Variants in CYP4Z1 observed in about 807,000 individuals in gnomAD.
The protein encoded by CYP4Z1 is cytochrome P450 family 4 subfamily Z member 1, also known as cytochrome P450 4Z1.
In CYP4Z1, 41 loss-of-function variants were observed where a neutral mutation model predicts 54.2. The ratio of observed to expected loss-of-function variants is 0.76; its 90% CI spans 0.59 to 0.98. The LOEUF (loss-of-function observed/expected upper bound fraction) is 0.98, where lower values mean the gene tolerates loss of function less well. CYP4Z1 is among the 50% of genes least tolerant of loss of function. The pLI is 0.00. For synonymous variants in CYP4Z1, 163 were observed against 206.2 expected (o/e 0.79, Z 1.79); for missense variants, 513 against 599.0 (o/e 0.86, Z 1.50).
At chr1:47,055,856 T>A in the CYP4Z1 span, among the ~76,000 whole-genome samples, 1 of 152,116 alleles carries the variant, frequency 6.6e-6, no homozygotes, top group South Asian at 2.1e-4. Flanking sequence ...TTTGTTGATC[T>A]TTTCAGAAAG....
In CYP4Z1 at chr1:47,118,019, G is replaced by A. The variant is rs1456448599; in HGVS notation, c.*85G>A. 3.9e-6 allele frequency: 5 copies of A among 1,290,382 alleles called. No individual in the cohort carries two copies. In the East Asian group the frequency reaches 1.3e-4, roughly 33 times the overall value. The allele number at this position is 1,290,382 out of a possible 1,614,324, so 79.9% of individuals were successfully genotyped here. A position where few individuals can be genotyped will look rare whatever the true frequency, so the allele number is the denominator to read the frequency against. The stretch of plus-strand genomic sequence containing the variant: ...AGGATAAATATAATACAAAATATAT[G>A]TATATGGTTGTTTGACAAATTATAT... On this transcript the variant is annotated 3_prime_UTR_variant, in exon 12 of 12. Transcript: ENST00000334194.
intron 1 of CYP4Z1, 26 bp downstream of exon 1, chr1:47,067,693 G>T (rs1289886981): frequency 3.8e-6 from 6 of 1,565,828 alleles, no homozygotes; most frequent in Non-Finnish European, 5.2e-6. Context: ...TAGTTGGGGA[G>T]GTTAAGGGAC....
chr1:47,082,355 A>G lies in CYP4Z1; in HGVS notation c.386A>G (p.Asp129Gly). 1.2e-5 allele frequency: 20 copies of G among 1,610,288 alleles called. No homozygotes were observed. The highest frequency in any genetic ancestry group is 1.6e-5 in the Non-Finnish European group (19 of 1,178,544). Reference protein sequence around the residue: ...SWVGRGLVTLDGSKWKKHRQI... With the variant: ...SWVGRGLVTLGGSKWKKHRQI... ...TAAGGTCGAGGACTTGTGACCCTGG[A>G]TGGTTCTAAATGGAAAAAGCACCGC... Residue 129 changes from aspartate (D) to glycine (G), a missense_variant, in exon 4 of 12, where the codon GAT becomes GGT. Physicochemically the swap from Asp to Gly is moderately conservative, Grantham distance 94. Transcript: ENST00000334194.
At chr1:47,081,854 T>C (rs1268793632) in intron 3 of CYP4Z1, among the ~76,000 whole-genome samples, 1 of 114,680 alleles carries the variant, frequency 8.7e-6, no homozygotes, top group Non-Finnish European at 1.7e-5. Flanking sequence ...AGCACAAAAG[T>C]GATGGAAAGA....
intron 11 of CYP4Z1, among the ~76,000 whole-genome samples, chr1:47,117,144 G>A (rs1317108576): frequency 6.6e-6 from 1 of 152,108 alleles, no homozygotes; most frequent in African/African-American, 2.4e-5. Context: ...AGAGACACCC[G>A]ATTTACCAAA....
intron 9 of CYP4Z1, among the ~76,000 whole-genome samples, chr1:47,114,578 T>A (rs1569763713): frequency 1.3e-5 from 2 of 151,892 alleles, no homozygotes; most frequent in African/African-American, 4.8e-5. Flanking sequence ...GAATCTACAA[T>A]GAACTCAAAC....
chr1:47,108,912 A>G (rs1569755594), intron 9 of CYP4Z1, among the ~76,000 whole-genome samples: 1 of 152,242 alleles, frequency 6.6e-6, no homozygotes, highest in Non-Finnish European at 1.5e-5. Flanking sequence ...GTCCTAGAAT[A>G]TCAGCTATTT....
intron 2 of CYP4Z1, among the ~76,000 whole-genome samples, chr1:47,079,655 G>A (rs1644549602): frequency 6.6e-6 from 1 of 152,270 alleles, no homozygotes. Flanking sequence ...TTAGGAGGAT[G>A]AGAAAGTGGA....
At chr1:47,091,548 G>A (rs1433700565) in intron 6 of CYP4Z1, among the ~76,000 whole-genome samples, 2 of 149,312 alleles carry the variant, frequency 1.3e-5, no homozygotes, top group Non-Finnish European at 3.0e-5. Flanking sequence ...CTTAATTCAA[G>A]TGCTCTTGTA....
intron 8 of CYP4Z1, among the ~76,000 whole-genome samples, chr1:47,099,700 C>A (rs1644706295): frequency 6.6e-6 from 1 of 152,052 alleles, no homozygotes; most frequent in South Asian, 2.1e-4. Context: ...AATTCACACC[C>A]CTCTTCCTTA....
intron 7 of CYP4Z1, among the ~76,000 whole-genome samples, chr1:47,095,909 A>G (rs532592931): frequency 4.6e-5 from 7 of 152,336 alleles, no homozygotes; most frequent in African/African-American, 1.7e-4. Context: ...ACAAAAATAA[A>G]CAAATACTCT....
the CYP4Z1 span, among the ~76,000 whole-genome samples, chr1:47,058,581 A>AAC: frequency 6.6e-6 from 1 of 152,132 alleles, no homozygotes; most frequent in Non-Finnish European, 1.5e-5. Context: ...CCTTGACCCT[A>AAC]ACACAATCCT....
the CYP4Z1 span, among the ~76,000 whole-genome samples, chr1:47,061,481 G>A: frequency 2.0e-5 from 3 of 152,058 alleles, no homozygotes; most frequent in African/African-American, 7.2e-5. Flanking sequence ...GACTGAACCA[G>A]GAAGAAATCA....
At chr1:47,079,961 G>C (rs1644551716) in intron 2 of CYP4Z1, among the ~76,000 whole-genome samples, 1 of 151,542 alleles carries the variant, frequency 6.6e-6, no homozygotes, top group African/African-American at 2.4e-5. Context: ...GTATTTTATA[G>C]GTTCATTTCA....
the CYP4Z1 span, among the ~76,000 whole-genome samples, chr1:47,056,126 T>G: frequency 1.2e-3 from 190 of 152,352 alleles, no homozygotes; most frequent in African/African-American, 4.0e-3. Flanking sequence ...TGTGTCTTTG[T>G]TCTCGTTGGT....
the CYP4Z1 span, among the ~76,000 whole-genome samples, chr1:47,058,815 C>T: frequency 2.0e-5 from 3 of 152,106 alleles, no homozygotes; most frequent in East Asian, 5.8e-4. Flanking sequence ...TAGACTAGCA[C>T]TCTTTACCTC....
chr1:47,098,240 C>G (rs184740686), intron 7 of CYP4Z1, among the ~76,000 whole-genome samples: 87 of 152,346 alleles, frequency 5.7e-4, no homozygotes, highest in African/African-American at 1.9e-3. Context: ...TTGATTCTTC[C>G]TATCCATGAG....
chr1:47,087,503 A>G (rs1466302980), intron 6 of CYP4Z1, among the ~76,000 whole-genome samples: 1 of 152,196 alleles, frequency 6.6e-6, no homozygotes, highest in South Asian at 2.1e-4. Flanking sequence ...TTTGTCTGTT[A>G]TTGGTGTATA....
At chr1:47,096,541 T>A (rs973591676) in intron 7 of CYP4Z1, 1 of 152,212 alleles carries the variant, frequency 6.6e-6, no homozygotes, top group East Asian at 1.9e-4. Context: ...ATGTGCAGGT[T>A]TGTTACATAG....
Sources: gnomAD v4.1 joint callset for allele counts (sites outside exome capture counted in the v4.1 genomes callset) on GRCh38, gnomAD v4.1.1 for gene constraint, MANE v1.5 for transcripts, NCBI Gene and HGNC (gene_info 2026-07-23, HGNC 2026-07-21) for gene names.